The following ZNF613 variants were observed in gnomAD, a reference collection of about 807,000 sequenced individuals.
The protein encoded by ZNF613 is zinc finger protein 613.
Under a neutral mutation model 14.3 loss-of-function variants are expected in ZNF613, and 8 were observed. That is an observed-to-expected ratio of 0.56 (90% CI 0.33 to 1.01). The LOEUF is 1.01. ZNF613 is among the 50% of genes least tolerant of loss of function. The probability of loss-of-function intolerance (pLI) is 0.03; values close to 1 mark genes in which losing one functional copy is unlikely to be tolerated. For missense variants in ZNF613, 656 were observed against 741.9 expected, an observed-to-expected ratio of 0.88 and a Z score of 1.35; for synonymous variants, 228 against 254.5, an observed-to-expected ratio of 0.90 and a Z score of 0.99.
In ZNF613 at chr19:51,940,776, G is replaced by A. The variant is rs1293862568; in HGVS notation, c.235+67G>A. On this transcript the variant is annotated intron_variant, in intron 5 of 5. Coordinates refer to ENST00000293471, the MANE Select transcript of ZNF613 (RefSeq NM_001031721.4). ...AGTCACATGATAGTTGTTCAGCAGTGTCTGAGCTGTCAGGGCATCTGAGGC... is the reference window on the plus strand; with the variant it reads ...AGTCACATGATAGTTGTTCAGCAGTATCTGAGCTGTCAGGGCATCTGAGGC... 2.2e-6 allele frequency: 3 copies of A among 1,343,778 alleles called. No homozygotes were observed. The East Asian group carries it at 7.1e-5, about 32-fold the overall frequency. 83.2% of individuals were successfully genotyped at this position (1,343,778 alleles called of 1,614,324 possible).
chr19:51,944,997 T>C lies in ZNF613; in HGVS notation c.1114T>C (p.Tyr372His). The C allele has an allele frequency of 6.8e-6, 11 of 1,614,182 alleles. No homozygotes were observed. The highest frequency in any genetic ancestry group is 8.5e-6 in the Non-Finnish European group (10 of 1,180,036). The change falls in exon 6 of 6, where the codon TAT (tyrosine) becomes CAT (histidine). Residue 372 changes from tyrosine to histidine, a missense_variant. By Grantham distance (83) the Tyr-to-His change is moderately conservative. Transcript: ENST00000293471. ...GAAAGCTCACACAGGAGAGAAGTCA[T>C]ATATATGCCGTGATTGTGGAAAAGG... Reference protein sequence around the residue: ...HQKAHTGEKSYICRDCGKGFI... With the variant: ...HQKAHTGEKSHICRDCGKGFI...
chr19:51,932,497 A>C (rs2122807307), intron 2 of ZNF613, among the ~76,000 whole-genome samples: 1 of 149,194 alleles, frequency 6.7e-6, no homozygotes. Flanking sequence ...GGGTTTCTCC[A>C]TGTTGGTCGG....
At chr19:51,928,757 A>G (rs1459521315) in intron 1 of ZNF613, among the ~76,000 whole-genome samples, 2 of 150,362 alleles carry the variant, frequency 1.3e-5, no homozygotes, top group Non-Finnish European at 3.0e-5. Flanking sequence ...CGGGAGGCTG[A>G]GGTGGGACGA....
At chr19:51,932,952 T>C (rs2085278775) in intron 2 of ZNF613, among the ~76,000 whole-genome samples, 1 of 152,154 alleles carries the variant, frequency 6.6e-6, no homozygotes, top group African/African-American at 2.4e-5. Flanking sequence ...AGTGCTAGGA[T>C]TACAGGTGTG....
chr19:51,936,280 T>C, intron 3 of ZNF613, 45 bp downstream of exon 3: 2 of 1,582,952 alleles, frequency 1.3e-6, no homozygotes, highest in Non-Finnish European at 1.7e-6. Context: ...ACATGATTGA[T>C]TTCTGGAAGA....
chr19:51,933,095 G>A (rs775182519), intron 2 of ZNF613, among the ~76,000 whole-genome samples: 4 of 152,166 alleles, frequency 2.6e-5, no homozygotes, highest in Non-Finnish European at 4.4e-5. Flanking sequence ...CTTCCTGCTT[G>A]CACTGAACCT....
chr19:51,937,730 T>C (rs1333335936), intron 3 of ZNF613, among the ~76,000 whole-genome samples: 22 of 115,690 alleles, frequency 1.9e-4, no homozygotes, highest in Non-Finnish European at 3.3e-4. Flanking sequence ...TTTTTCTTTT[T>C]TTTTTTTTTT....
Position 51,945,521 on chromosome 19 carries a change from G to A in ZNF613, c.1638G>A (p.Leu546=). 6.2e-7 allele frequency: 1 copy of A among 1,614,196 alleles called. No individual in the cohort carries two copies. The highest frequency in any genetic ancestry group is 8.5e-7 in the Non-Finnish European group (1 of 1,180,034). Residue 546 remains leucine (L), a synonymous_variant, in exon 6 of 6, where the codon TTG becomes TTA. Coordinates refer to ENST00000293471, the MANE Select transcript of ZNF613 (RefSeq NM_001031721.4). ...AREKCVGSVK[L]ENPCSESHSL... is the part of the protein sequence containing the mutation. ...AGAAATGTGTAGGTTCAGTCAAATTGGAAAATCCTTGCTCAGAGAGTCATA... is the reference window on the plus strand; with the variant it reads ...AGAAATGTGTAGGTTCAGTCAAATTAGAAAATCCTTGCTCAGAGAGTCATA...
Position 51,944,108 on chromosome 19 carries a change from T to C in ZNF613, c.236-11T>C, listed in dbSNP as rs1389057958. 21 of 1,518,942 alleles carry C rather than the reference T, an allele frequency of 1.4e-5. No homozygotes were observed. Among genetic ancestry groups the C allele is most frequent in the Non-Finnish European group, 1.8e-5 (21 of 1,136,160 alleles). 94.1% of individuals were successfully genotyped at this position (1,518,942 alleles called of 1,614,324 possible). A position where few individuals can be genotyped will look rare whatever the true frequency, so the allele number is the denominator to read the frequency against. On this transcript the variant is annotated splice_polypyrimidine_tract_variant and intron_variant, in intron 5 of 5. Coordinates refer to ENST00000293471, the MANE Select transcript of ZNF613 (RefSeq NM_001031721.4). ...GCTCATGGAAAGATTTATTGTTCTC[T>C]TCTTTCCTAGAAATCAAGAAAGTTG...
intron 5 of ZNF613, among the ~76,000 whole-genome samples, chr19:51,943,333 C>G (rs939317283): frequency 6.6e-6 from 1 of 152,184 alleles, no homozygotes; most frequent in Non-Finnish European, 1.5e-5. Context: ...TAGAAATAAA[C>G]AATTCTTAAT....
At chr19:51,936,338 A>G in intron 3 of ZNF613, 103 bp downstream of exon 3, 1 of 1,212,170 alleles carries the variant, frequency 8.2e-7, no homozygotes, top group African/African-American at 1.5e-5. Context: ...TTGGTAAACT[A>G]GGATTTGTGC....
In ZNF613 at chr19:51,940,713, AG is replaced by A; in HGVS notation, c.235+5del. 6.2e-7 allele frequency: 1 copy of A among 1,609,114 alleles called. No homozygotes were observed. Among genetic ancestry groups the A allele is most frequent in the Non-Finnish European group, 8.5e-7 (1 of 1,177,508 alleles). ...ATCCACAGCCAAATCTGTCCAGGTG[AG>A]TTCAGGGTGAGAGCCAGCAAGGAGG... On this transcript the variant is annotated splice_donor_5th_base_variant and intron_variant, in intron 5 of 5. Transcript: ENST00000293471.
At chr19:51,928,952 CTCAGGTTT>C (rs2085242263) in intron 1 of ZNF613, among the ~76,000 whole-genome samples, 1 of 151,990 alleles carries the variant, frequency 6.6e-6, no homozygotes, top group Admixed American at 6.5e-5. Context: ...GTTCTTCTTC[CTCAGGTTT>C]ACTGTGTGAA....
chr19:51,944,025 T>C lies in ZNF613; in HGVS notation c.236-94T>C, dbSNP rs151136639. ...CTTGGAGTTTTTTAAACAGTGGAAA[T>C]AGTGTGGTCAGTAGAGCCAGCCTGT... On this transcript the variant is annotated intron_variant, in intron 5 of 5. Transcript: ENST00000293471. 7.9e-5 allele frequency: 76 copies of C among 961,884 alleles called. No homozygotes were observed. In the African/African-American group the frequency reaches 1.2e-3, roughly 16 times the overall value. The allele number at this position is 961,884 out of a possible 1,614,324, so 59.6% of individuals were successfully genotyped here.
Position 51,930,916 on chromosome 19 carries a change from A to G in ZNF613, c.-194+1020A>G, listed in dbSNP as rs940856462. On this transcript the variant is annotated intron_variant, in intron 2 of 5. Transcript: ENST00000293471. ...TTGAGGGTGTCCATTGCCACCATGT[A>G]CCTACCAACACTTGTTATTTTTAGT... Among the ~76,000 whole-genome samples the G allele has an allele frequency of 4.6e-5, 7 of 152,134 alleles. No individual in the cohort carries two copies. In the South Asian group the frequency reaches 8.3e-4, roughly 18 times the overall value.
intron 2 of ZNF613, 117 bp from the exon 3 acceptor site, chr19:51,935,911 C>T: frequency 3.1e-6 from 1 of 319,014 alleles, no homozygotes; most frequent in Non-Finnish European, 5.7e-6. Flanking sequence ...GTTAAAACTT[C>T]TGGGGCCCCA....
chr19:51,940,502 C>G, intron 4 of ZNF613, 115 bp from the exon 5 acceptor site: 2 of 1,490,340 alleles, frequency 1.3e-6, no homozygotes, highest in Non-Finnish European at 9.1e-7. Flanking sequence ...AGGGAAAATC[C>G]CTTTGCTTTG....
Position 51,936,175 on chromosome 19 carries a change from A to G in ZNF613, c.-46A>G. The G allele has an allele frequency of 1.3e-6, 2 of 1,589,914 alleles. No homozygotes were observed. Among genetic ancestry groups the G allele is most frequent in the Middle Eastern group, 1.7e-4 (1 of 5,950 alleles). ...TGAGGGCAGCTCAAGGAGAGACTAC[A>G]GACACAGCATCCTACTTACTGGCTA... On this transcript the variant is annotated 5_prime_UTR_variant, in exon 3 of 6. Coordinates refer to ENST00000293471, the MANE Select transcript of ZNF613 (RefSeq NM_001031721.4).
chr19:51,934,495 T>C (rs1202323628), intron 2 of ZNF613, among the ~76,000 whole-genome samples: 1 of 152,228 alleles, frequency 6.6e-6, no homozygotes, highest in East Asian at 1.9e-4. Context: ...TGAAAAATAA[T>C]ACATAGTCTT....
Sources: gnomAD v4.1 joint callset for allele counts (sites outside exome capture counted in the v4.1 genomes callset) on GRCh38, gnomAD v4.1.1 for gene constraint, MANE v1.5 for transcripts, NCBI Gene and HGNC (gene_info 2026-07-23, HGNC 2026-07-21) for gene names.